CDH18: variants seen among roughly 807,000 people sequenced by gnomAD.
CDH18 encodes the protein cadherin 18.
Under a neutral mutation model 67.9 loss-of-function variants are expected in CDH18, and 31 were observed. The ratio of observed to expected loss-of-function variants is 0.46; its 90% CI spans 0.34 to 0.62. The LOEUF (loss-of-function observed/expected upper bound fraction) is 0.62, where lower values mean the gene tolerates loss of function less well. Ranked by LOEUF, CDH18 falls within the 20% of genes least tolerant of loss-of-function variation. The pLI, the probability that CDH18 is intolerant of heterozygous loss-of-function variation, is 0.01. For synonymous variants in CDH18, 362 were observed against 347.2 expected (o/e 1.04, Z -0.48); for missense variants, 890 against 975.5 (o/e 0.91, Z 1.17).
intron 5 of CDH18, among the ~76,000 whole-genome samples, chr5:19,627,996 G>A (rs1465407770): frequency 6.6e-6 from 1 of 152,136 alleles, no homozygotes; most frequent in Non-Finnish European, 1.5e-5. Context: ...GAGCAGAGGA[G>A]TGATGATATG....
intron 2 of CDH18, among the ~76,000 whole-genome samples, chr5:19,952,426 C>T (rs896268212): frequency 7.2e-5 from 11 of 152,122 alleles, no homozygotes; most frequent in African/African-American, 1.9e-4. Context: ...AGTGAGTGTT[C>T]CAAGAGTCTG....
At chr5:20,200,510 C>CA (rs199991736) in intron 2 of CDH18, among the ~76,000 whole-genome samples, 2,385 of 151,842 alleles carry the variant, frequency 0.016, 57 homozygotes, top group African/African-American at 0.053. Context: ...CTTATCTCTA[C>CA]AAAAAAAGTA....
At chr5:19,711,826 A>T (rs889252440) in intron 5 of CDH18, among the ~76,000 whole-genome samples, 10 of 152,056 alleles carry the variant, frequency 6.6e-5, no homozygotes, top group Non-Finnish European at 1.3e-4. Flanking sequence ...ACTACTACCC[A>T]AAGAAAATGA....
intron 2 of CDH18, among the ~76,000 whole-genome samples, chr5:20,151,060 T>C (rs1385353870): frequency 6.6e-6 from 1 of 151,966 alleles, no homozygotes; most frequent in Non-Finnish European, 1.5e-5. Flanking sequence ...ATATCTGAAA[T>C]ATAGGGGGTT....
At chr5:19,856,963 T>C (rs949732350) in intron 2 of CDH18, among the ~76,000 whole-genome samples, 6 of 152,038 alleles carry the variant, frequency 3.9e-5, no homozygotes, top group East Asian at 1.9e-4. Flanking sequence ...TCACTCACGA[T>C]TGTAATCCCA....
intron 5 of CDH18, among the ~76,000 whole-genome samples, chr5:19,679,393 C>A (rs535634316): frequency 2.0e-5 from 3 of 152,082 alleles, no homozygotes; most frequent in Admixed American, 2.0e-4. Context: ...AAAACCAGGA[C>A]AAGACAAGCA....
intron 9 of CDH18, among the ~76,000 whole-genome samples, chr5:19,530,698 C>T (rs1329077196): frequency 6.6e-6 from 1 of 152,104 alleles, no homozygotes; most frequent in Non-Finnish European, 1.5e-5. Context: ...GCTTTTTGTC[C>T]TTGGGATAGT....
chr5:20,555,899 A>C (rs954276632), intron 1 of CDH18, among the ~76,000 whole-genome samples: 5 of 152,142 alleles, frequency 3.3e-5, no homozygotes, highest in Non-Finnish European at 7.3e-5. Flanking sequence ...AAATTCTAAA[A>C]TTCTCTAGAC....
rs547387313 is a variant in CDH18 at position 19,477,492 on chromosome 5, G to A, written c.1883-3776C>T. 2.0e-5 allele frequency among the ~76,000 whole-genome samples: 3 copies of A among 151,948 alleles called. No homozygotes were observed. The South Asian group carries it at 6.2e-4, about 31-fold the overall frequency. ...AGCCTCACTAGGAAAATAATTTTAAGATATTTTTTAAAAATTAGCTTATGG... is the reference window on the plus strand; with the variant it reads ...AGCCTCACTAGGAAAATAATTTTAAAATATTTTTTAAAAATTAGCTTATGG... On this transcript the variant is annotated intron_variant, in intron 12 of 12. Transcript: ENST00000382275.
intron 2 of CDH18, among the ~76,000 whole-genome samples, chr5:19,936,764 A>C (rs1317869369): frequency 6.6e-6 from 1 of 151,066 alleles, no homozygotes; most frequent in Non-Finnish European, 1.5e-5. Flanking sequence ...CTCCTCTTAA[A>C]ATATATGTCC....
At position 20,115,278 on chromosome 5, in the gene CDH18, T is replaced by TTTTTG. The variant is rs1263737192; in HGVS notation, c.-517-123265_-517-123264insCAAAA. Among the ~76,000 whole-genome samples, 142 of 121,524 alleles carry TTTTTG rather than the reference T, an allele frequency of 1.2e-3. 10 individuals carry two copies. The East Asian group carries it at 0.014, about 12-fold the overall frequency. The allele number at this position is 121,524 out of a possible 152,430, so 79.7% of individuals were successfully genotyped here. On this transcript the variant is annotated intron_variant, in intron 2 of 14. Coordinates refer to the CDH18 transcript ENST00000507958. ...CACTCTCAGGGCCTCATCTTTTTTT[T>TTTTTG]TTTTTTTTTTTTTTTTTTTGAGACG... is the stretch of plus-strand genomic sequence containing the variant.
chr5:20,175,380 CAAGTA>C (rs1737152409), intron 2 of CDH18, among the ~76,000 whole-genome samples: 1 of 152,084 alleles, frequency 6.6e-6, no homozygotes, highest in South Asian at 2.1e-4. Context: ...AATTAAAGGT[CAAGTA>C]AAGTTTCTTG....
chr5:19,591,581 G>A (rs188237144), intron 6 of CDH18, among the ~76,000 whole-genome samples: 106 of 152,168 alleles, frequency 7.0e-4, no homozygotes, highest in Non-Finnish European at 1.3e-3. Flanking sequence ...AAGTATTAGT[G>A]TAATCCCAAT....
intron 1 of CDH18, among the ~76,000 whole-genome samples, chr5:20,362,575 A>G (rs995557212): frequency 2.6e-5 from 4 of 152,154 alleles, no homozygotes; most frequent in Non-Finnish European, 1.5e-5. Context: ...AGTTGTATAG[A>G]TCACTGACAA....
chr5:19,927,584 CAT>C (rs1160095917), intron 2 of CDH18, among the ~76,000 whole-genome samples: 1 of 151,958 alleles, frequency 6.6e-6, no homozygotes, highest in Non-Finnish European at 1.5e-5. Flanking sequence ...TATGAAAGCA[CAT>C]ATATATAAAT....
At chr5:20,160,585 T>G (rs1195411971) in intron 2 of CDH18, among the ~76,000 whole-genome samples, 1 of 152,172 alleles carries the variant, frequency 6.6e-6, no homozygotes, top group Non-Finnish European at 1.5e-5. Context: ...ACTTGAAAAA[T>G]AACATTTTAT....
intron 2 of CDH18, among the ~76,000 whole-genome samples, chr5:20,007,542 C>G (rs1219753876): frequency 1.3e-5 from 2 of 151,962 alleles, no homozygotes; most frequent in Non-Finnish European, 2.9e-5. Context: ...AAGCATGACT[C>G]AAAATATAGA....
chr5:20,282,829 T>C (rs968928956), intron 1 of CDH18, among the ~76,000 whole-genome samples: 5 of 152,066 alleles, frequency 3.3e-5, no homozygotes, highest in Admixed American at 2.0e-4. Flanking sequence ...GCCAAACTTA[T>C]TCTGAGCAAA....
At chr5:19,957,015 T>C (rs1184268723) in intron 2 of CDH18, among the ~76,000 whole-genome samples, 1 of 151,984 alleles carries the variant, frequency 6.6e-6, no homozygotes, top group African/African-American at 2.4e-5. Context: ...ACTTACATAC[T>C]AACAATTTCT....
Sources: gnomAD v4.1 joint callset for allele counts (sites outside exome capture counted in the v4.1 genomes callset) on GRCh38, gnomAD v4.1.1 for gene constraint, MANE v1.5 for transcripts, NCBI Gene and HGNC (gene_info 2026-07-23, HGNC 2026-07-21) for gene names.